Variants in TSPAN13 observed in about 807,000 individuals in gnomAD.
TSPAN13 encodes the protein tetraspanin 13.
Under a neutral mutation model 26.9 loss-of-function variants are expected in TSPAN13, and 18 were observed. The observed-to-expected ratio is 0.67, with a 90% CI of 0.46 to 0.99. The LOEUF (loss-of-function observed/expected upper bound fraction) is 0.99, where lower values mean the gene tolerates loss of function less well. Ranked by LOEUF, TSPAN13 falls within the 50% of genes least tolerant of loss-of-function variation. The pLI, the probability that TSPAN13 is intolerant of heterozygous loss-of-function variation, is 0.00. For missense variants in TSPAN13, 201 were observed against 249.6 expected (o/e 0.81, Z 1.31); for synonymous variants, 116 against 98.4 (o/e 1.18, Z -1.06).
chr7:16,781,907 C>G (rs1239275599), intron 5 of TSPAN13, among the ~76,000 whole-genome samples: 1 of 152,140 alleles, frequency 6.6e-6, no homozygotes, highest in East Asian at 1.9e-4. Context: ...TGGCTGAGAA[C>G]AGCCAGTGAC....
At position 16,777,210 on chromosome 7, in the gene TSPAN13, T is replaced by A. The variant is rs1294040314; in HGVS notation, c.312+88T>A. 29 of 1,009,296 alleles carry A rather than the reference T, an allele frequency of 2.9e-5. No homozygotes were observed. In the Admixed American group the frequency reaches 3.1e-4, roughly 11 times the overall value. 62.5% of individuals were successfully genotyped at this position (1,009,296 alleles called of 1,614,324 possible). The stretch of plus-strand genomic sequence containing the variant: ...GGGTAATGATTAGAATATAAAATAA[T>A]TTCGTCTTGCACAGAATGCCACCTT... On this transcript the variant is annotated intron_variant, in intron 3 of 5. Coordinates refer to ENST00000262067, the MANE Select transcript of TSPAN13 (RefSeq NM_014399.4).
At chr7:16,776,951 C>CAGAA in intron 2 of TSPAN13, 91 bp from the exon 3 acceptor site, 1 of 758,674 alleles carries the variant, frequency 1.3e-6, no homozygotes, top group Non-Finnish European at 2.2e-6. Context: ...TTAATTACTT[C>CAGAA]TTGTGCATTC....
rs539305220 is a variant in TSPAN13 at position 16,777,489 on chromosome 7, T to C, written c.313-309T>C. Among the ~76,000 whole-genome samples, 4 of 152,328 alleles carry C rather than the reference T, an allele frequency of 2.6e-5. No homozygotes were observed. The South Asian group carries it at 8.3e-4, about 32-fold the overall frequency. ...GCTCTAATTCGTAGACAAATCCAGG[T>C]TTCTGTCATGGAGCAACAGAACTTT... On this transcript the variant is annotated intron_variant, in intron 3 of 5. Coordinates refer to ENST00000262067, the MANE Select transcript of TSPAN13 (RefSeq NM_014399.4).
intron 2 of TSPAN13, 105 bp downstream of exon 2, chr7:16,776,483 G>T: frequency 3.6e-6 from 4 of 1,120,170 alleles, no homozygotes; most frequent in Non-Finnish European, 5.1e-6. Flanking sequence ...GCAACTCCAA[G>T]CAAGCCTTAT....
intron 1 of TSPAN13, among the ~76,000 whole-genome samples, chr7:16,755,090 C>G (rs976210882): frequency 6.6e-6 from 1 of 152,138 alleles, no homozygotes; most frequent in African/African-American, 2.4e-5. Flanking sequence ...GTCATCATCC[C>G]TCCATAGTAG....
intron 1 of TSPAN13, among the ~76,000 whole-genome samples, chr7:16,762,120 T>C (rs1784548363): frequency 6.6e-6 from 1 of 152,208 alleles, no homozygotes; most frequent in Non-Finnish European, 1.5e-5. Context: ...TCTTTTCATC[T>C]TGTTCTTGAA....
At chr7:16,765,817 T>C (rs1784598233) in intron 1 of TSPAN13, among the ~76,000 whole-genome samples, 1 of 152,214 alleles carries the variant, frequency 6.6e-6, no homozygotes, top group African/African-American at 2.4e-5. Context: ...ATAAGGAAAC[T>C]GTTATTATAA....
At chr7:16,783,345 T>C (rs1432958721) in intron 5 of TSPAN13, 72 bp from the exon 6 acceptor site, 2 of 1,439,732 alleles carry the variant, frequency 1.4e-6, no homozygotes, top group African/African-American at 1.4e-5. Context: ...AGTTATTTTA[T>C]TGATCAACTG....
chr7:16,754,452 G>A (rs571653547), intron 1 of TSPAN13, among the ~76,000 whole-genome samples: 1 of 152,214 alleles, frequency 6.6e-6, no homozygotes, highest in South Asian at 2.1e-4. Context: ...TTGCGGAATG[G>A]CGTGGCCTGA....
At chr7:16,763,074 G>C (rs1449667193) in intron 1 of TSPAN13, among the ~76,000 whole-genome samples, 1 of 152,124 alleles carries the variant, frequency 6.6e-6, no homozygotes, top group Non-Finnish European at 1.5e-5. Context: ...GACCTGCTCA[G>C]CGGTAAAACT....
Position 16,783,569 on chromosome 7 carries a change from A to G in TSPAN13, c.*78A>G, listed in dbSNP as rs1303721753. Reference sequence around the variant, plus strand: ...AATTTTCTGTTAAGCTCCATTTGCCAGTTTAAGGAAGGAAACACTATCTGG... The same window carrying G: ...AATTTTCTGTTAAGCTCCATTTGCCGGTTTAAGGAAGGAAACACTATCTGG... On this transcript the variant is annotated 3_prime_UTR_variant, in exon 6 of 6. Coordinates refer to ENST00000262067, the MANE Select transcript of TSPAN13 (RefSeq NM_014399.4). 1.5e-6 allele frequency: 2 copies of G among 1,332,036 alleles called. No homozygotes were observed. The highest frequency in any genetic ancestry group is 2.2e-6 in the Non-Finnish European group (2 of 926,764). The allele number at this position is 1,332,036 out of a possible 1,614,324, so 82.5% of individuals were successfully genotyped here.
chr7:16,779,527 C>T (rs1291989456), intron 5 of TSPAN13, among the ~76,000 whole-genome samples: 1 of 151,774 alleles, frequency 6.6e-6, no homozygotes, highest in Non-Finnish European at 1.5e-5. Flanking sequence ...TTATATATAT[C>T]TTGAAAAATT....
Position 16,779,050 on chromosome 7 carries a change from A to C in TSPAN13, c.474A>C (p.Ile158=). ...CGTGCTCGCCATGTGCTCCAATCAT[A>C]GGAGAATATGCTGGAGAGGTTTTGA... is the stretch of plus-strand genomic sequence containing the variant. The part of the protein sequence containing the change: ...DHSCSPCAPI[I]GEYAGEVLRF... Residue 158 remains isoleucine (I), a synonymous_variant, in exon 5 of 6, where the codon ATA becomes ATC. Coordinates refer to ENST00000262067, the MANE Select transcript of TSPAN13 (RefSeq NM_014399.4). The C allele has an allele frequency of 6.2e-7, 1 of 1,614,168 alleles. No homozygotes were observed. The highest frequency in any genetic ancestry group is 8.5e-7 in the Non-Finnish European group (1 of 1,180,002).
At chr7:16,761,510 G>T (rs1391649991) in intron 1 of TSPAN13, among the ~76,000 whole-genome samples, 1 of 151,964 alleles carries the variant, frequency 6.6e-6, no homozygotes, top group Non-Finnish European at 1.5e-5. Context: ...GAGGAAGATA[G>T]TCTGGGGCTT....
At chr7:16,771,619 A>T (rs1784680453) in intron 1 of TSPAN13, among the ~76,000 whole-genome samples, 2 of 152,206 alleles carry the variant, frequency 1.3e-5, no homozygotes, top group Non-Finnish European at 2.9e-5. Flanking sequence ...ATGCCAAGGA[A>T]TGCAGAAAAC....
At chr7:16,755,929 A>G (rs914040918) in intron 1 of TSPAN13, among the ~76,000 whole-genome samples, 1 of 152,188 alleles carries the variant, frequency 6.6e-6, no homozygotes, top group African/African-American at 2.4e-5. Context: ...ATTGATTTTA[A>G]TAGCTATGCA....
chr7:16,771,845 T>C (rs1303632944), intron 1 of TSPAN13, among the ~76,000 whole-genome samples: 1 of 152,170 alleles, frequency 6.6e-6, no homozygotes, highest in East Asian at 1.9e-4. Context: ...CTGAAAACTA[T>C]ATTGAAGACA....
intron 2 of TSPAN13, 55 bp from the exon 3 acceptor site, chr7:16,776,987 C>A: frequency 7.9e-7 from 1 of 1,271,298 alleles, no homozygotes; most frequent in Non-Finnish European, 1.1e-6. Context: ...CTCTGTACCT[C>A]TGTTTTATGC....
chr7:16,783,405 TC>T lies in TSPAN13; in HGVS notation c.541-8del, dbSNP rs2115340872. Reference sequence around the variant, plus strand: ...TCTTTTTCTTTACTTTATTTTTTTTTCCCCATTCCAGATCCTGGGTGTTTGG... The same window carrying T: ...TCTTTTTCTTTACTTTATTTTTTTTTCCCATTCCAGATCCTGGGTGTTTGG... On this transcript the variant is annotated splice_polypyrimidine_tract_variant and intron_variant, in intron 5 of 5. Coordinates refer to ENST00000262067, the MANE Select transcript of TSPAN13 (RefSeq NM_014399.4). 3 of 1,605,914 alleles carry T rather than the reference TC, an allele frequency of 1.9e-6. No individual in the cohort carries two copies. Among genetic ancestry groups the T allele is most frequent in the East Asian group, 4.5e-5 (2 of 44,718 alleles).
Sources: allele counts gnomAD v4.1 joint callset (sites outside exome capture counted in the v4.1 genomes callset), GRCh38; gene constraint gnomAD v4.1.1; transcripts MANE v1.5; gene names NCBI Gene and HGNC (gene_info 2026-07-23, HGNC 2026-07-21).